Variants in EFEMP1 observed in about 807,000 individuals in gnomAD.
The protein encoded by EFEMP1 is EGF-containing fibulin-like extracellular matrix protein 1.
A neutral mutation model predicts 65.7 loss-of-function variants in EFEMP1; 18 were observed. The ratio of observed to expected loss-of-function variants is 0.27; its 90% CI spans 0.19 to 0.41. EFEMP1 has a LOEUF of 0.41. Among genes scored for constraint, EFEMP1 ranks in the 10% least tolerant of loss-of-function variants. The pLI, the probability that EFEMP1 is intolerant of heterozygous loss-of-function variation, is 1.00. For missense variants in EFEMP1, 469 were observed against 624.8 expected (o/e 0.75, Z 2.66); for synonymous variants, 237 against 219.7 (o/e 1.08, Z -0.70).
intron 5 of EFEMP1, among the ~76,000 whole-genome samples, chr2:55,894,878 C>G (rs1486924093): frequency 6.6e-6 from 1 of 152,204 alleles, no homozygotes; most frequent in Non-Finnish European, 1.5e-5. Context: ...AATCACGTGG[C>G]TAGGCTGACT....
rs1271759918 is a variant in EFEMP1 at position 55,883,796 on chromosome 2, T to C, written c.518-2062A>G. Among the ~76,000 whole-genome samples, 3 of 152,198 alleles carry C rather than the reference T, an allele frequency of 2.0e-5. No individual in the cohort carries two copies. On this transcript the variant is annotated intron_variant, in intron 5 of 11. Coordinates refer to ENST00000355426, the MANE Select transcript of EFEMP1 (RefSeq NM_001039348.3). The surrounding 1 kb of genome is among the most constrained non-coding windows in gnomAD (Gnocchi z 4.5). ...AATTAATGTATCATTAAGTAGATTT[T>C]AAACACAAAAACCTGTGCTACTCCT...
chr2:55,875,093 C>T (rs1238719644), intron 8 of EFEMP1, 28 bp from the exon 9 acceptor site: 1 of 1,560,414 alleles, frequency 6.4e-7, no homozygotes, highest in Non-Finnish European at 8.7e-7. Flanking sequence ...AGAAAGGACA[C>T]AGAGTTGAAA....
Position 55,922,463 on chromosome 2 carries a change from G to A in EFEMP1, c.-7-16C>T, listed in dbSNP as rs1357105309. On this transcript the variant is annotated splice_polypyrimidine_tract_variant and intron_variant, in intron 2 of 11. Coordinates refer to ENST00000355426, the MANE Select transcript of EFEMP1 (RefSeq NM_001039348.3). This position sits in a 1 kb window ranked among gnomAD's most constrained non-coding sequence, Gnocchi z 5.5. ...CATTGTGAATCTCAAAGAAAATACA[G>A]GACAAACTAATGTTTAGTATCTGCT... is the stretch of plus-strand genomic sequence containing the variant. 6.2e-7 allele frequency: 1 copy of A among 1,608,526 alleles called. No homozygotes were observed. The highest frequency in any genetic ancestry group is 1.3e-5 in the African/African-American group (1 of 74,776).
intron 5 of EFEMP1, among the ~76,000 whole-genome samples, chr2:55,889,673 A>G (rs1013852665): frequency 6.6e-6 from 1 of 152,194 alleles, no homozygotes; most frequent in African/African-American, 2.4e-5. Flanking sequence ...GAATAATAGC[A>G]TATATAGTTT....
At position 55,870,597 on chromosome 2, in the gene EFEMP1, C is replaced by T. The variant is rs1668765484; in HGVS notation, c.1320+123G>A. The T allele has an allele frequency of 2.5e-6, 3 of 1,208,598 alleles. No homozygotes were observed. Among genetic ancestry groups the T allele is most frequent in the Non-Finnish European group, 3.6e-6 (3 of 832,516 alleles). 74.9% of individuals were successfully genotyped at this position (1,208,598 alleles called of 1,614,324 possible). On this transcript the variant is annotated intron_variant, in intron 11 of 11. Transcript: ENST00000355426. The surrounding 1 kb of genome is among the most constrained non-coding windows in gnomAD (Gnocchi z 5.8). ...TGGAAGGCCTTACACAATGCCTACA[C>T]ATAAGACACTTTAAATGTTTGCTTT... is the stretch of plus-strand genomic sequence containing the variant.
chr2:55,908,598 CA>C (rs1271567967), intron 5 of EFEMP1, among the ~76,000 whole-genome samples: 1 of 151,538 alleles, frequency 6.6e-6, no homozygotes, highest in East Asian at 1.9e-4. Context: ...ATTCACACTG[CA>C]AAAAAACAAG....
chr2:55,877,233 C>T lies in EFEMP1; in HGVS notation c.761-491G>A, dbSNP rs893589913. Among the ~76,000 whole-genome samples the T allele has an allele frequency of 3.9e-5, 6 of 152,054 alleles. No homozygotes were observed. Among genetic ancestry groups the T allele is most frequent in the African/African-American group, 4.8e-5 (2 of 41,398 alleles). ...AATTCCATTACAATTATAACATAAG[C>T]CTTTGAGACCCATACGGAGTTTTGC... On this transcript the variant is annotated intron_variant, in intron 7 of 11. Transcript: ENST00000355426. This position sits in a 1 kb window ranked among gnomAD's most constrained non-coding sequence, Gnocchi z 4.5.
chr2:55,897,908 TC>T (rs1489217936), intron 5 of EFEMP1, among the ~76,000 whole-genome samples: 2 of 152,204 alleles, frequency 1.3e-5, no homozygotes, highest in Middle Eastern at 3.2e-3. Flanking sequence ...GATAATTGCC[TC>T]CTGCTATAAT....
rs1668642343 is a variant in EFEMP1, at chr2:55,867,863, T to G, written c.1321-629A>C. ...CAGAAGAACTGGGTGCAGTTTCATT[T>G]TGATGAATAATATGATGGGCTCTTG... On this transcript the variant is annotated intron_variant, in intron 11 of 11. Transcript: ENST00000355426. The surrounding 1 kb of genome is among the most constrained non-coding windows in gnomAD (Gnocchi z 4.3). Among the ~76,000 whole-genome samples the G allele has an allele frequency of 6.6e-6, 1 of 152,056 alleles. No individual in the cohort carries two copies. Among genetic ancestry groups the G allele is most frequent in the South Asian group, 2.1e-4 (1 of 4,810 alleles).
intron 5 of EFEMP1, among the ~76,000 whole-genome samples, chr2:55,888,657 A>AAGAAAACC (rs202153703): frequency 0.011 from 1,668 of 152,246 alleles, 19 homozygotes; most frequent in Non-Finnish European, 0.016. Context: ...TGTTTGGGAA[A>AAGAAAACC]AGAAAACCCT....
chr2:55,915,770 A>G (rs868741312), intron 5 of EFEMP1, among the ~76,000 whole-genome samples: 8 of 152,340 alleles, frequency 5.3e-5, no homozygotes, highest in Middle Eastern at 3.4e-3. Flanking sequence ...GTCTAGTTAT[A>G]TAACTAAATA....
chr2:55,910,363 A>G (rs1670436835), intron 5 of EFEMP1, among the ~76,000 whole-genome samples: 1 of 152,224 alleles, frequency 6.6e-6, no homozygotes, highest in South Asian at 2.1e-4. Flanking sequence ...ACCTCCTGGA[A>G]AAAGCAACAT....
chr2:55,871,841 A>G lies in EFEMP1; in HGVS notation c.1001-718T>C, dbSNP rs1003226890. Among the ~76,000 whole-genome samples the G allele has an allele frequency of 1.2e-4, 18 of 152,112 alleles. No homozygotes were observed. Among genetic ancestry groups the G allele is most frequent in the African/African-American group, 4.3e-4 (18 of 41,438 alleles). ...TATGAAGTGTTCCACCTCATAGAGC[A>G]TAGCAATTTTAGGACTGTAAGGAAA... On this transcript the variant is annotated intron_variant, in intron 9 of 11. Transcript: ENST00000355426. This position sits in a 1 kb window ranked among gnomAD's most constrained non-coding sequence, Gnocchi z 4.2.
intron 5 of EFEMP1, among the ~76,000 whole-genome samples, chr2:55,910,477 AT>A (rs1670441310): frequency 6.6e-6 from 1 of 152,242 alleles, no homozygotes; most frequent in African/African-American, 2.4e-5. Flanking sequence ...AAAGAATAAA[AT>A]TGTGCCAGCA....
intron 8 of EFEMP1, 76 bp from the exon 9 acceptor site, chr2:55,875,141 T>TAAATTATATATATATATAA (rs1668977641): frequency 2.0e-6 from 1 of 511,032 alleles, no homozygotes. Context: ...TATATATATA[T>TAAATTATATATATATATAA]AAATTATATA....
rs1027372463 is a variant in EFEMP1 at position 55,867,654 on chromosome 2, C to A, written c.1321-420G>T. ...TCTAGTAAGTAAAGAGAAATGGAAACAGTTTTTCAACAGAATATGGTAAAT... is the reference window on the plus strand; with the variant it reads ...TCTAGTAAGTAAAGAGAAATGGAAAAAGTTTTTCAACAGAATATGGTAAAT... On this transcript the variant is annotated intron_variant, in intron 11 of 11. Coordinates refer to ENST00000355426, the MANE Select transcript of EFEMP1 (RefSeq NM_001039348.3). The surrounding 1 kb of genome is among the most constrained non-coding windows in gnomAD (Gnocchi z 4.3). Among the ~76,000 whole-genome samples, 4 of 151,972 alleles carry A rather than the reference C, an allele frequency of 2.6e-5. No homozygotes were observed. Among genetic ancestry groups the A allele is most frequent in the South Asian group, 4.2e-4 (2 of 4,816 alleles).
intron 8 of EFEMP1, among the ~76,000 whole-genome samples, chr2:55,875,362 A>C (rs1240385931): frequency 2.1e-5 from 3 of 142,340 alleles, no homozygotes; most frequent in Admixed American, 6.9e-5. Context: ...ACACACACAC[A>C]CACATATATA....
At chr2:55,900,389 C>T (rs1399032034) in intron 5 of EFEMP1, among the ~76,000 whole-genome samples, 1 of 151,900 alleles carries the variant, frequency 6.6e-6, no homozygotes, top group East Asian at 1.9e-4. Flanking sequence ...TGGCCTCTAC[C>T]TGGCTGTGAG....
Position 55,877,464 on chromosome 2 carries a change from C to CAT in EFEMP1, c.760+281_760+282insAT, listed in dbSNP as rs1669080658. Reference sequence around the variant, plus strand: ...CTTTGGCACTTTCAGCATTATATCACACACTGCTGATTGACTGGTGTATGT... The same window carrying CAT: ...CTTTGGCACTTTCAGCATTATATCACATACACTGCTGATTGACTGGTGTATGT... On this transcript the variant is annotated intron_variant, in intron 7 of 11. Transcript: ENST00000355426. The surrounding 1 kb of genome is among the most constrained non-coding windows in gnomAD (Gnocchi z 4.5). 6.6e-6 allele frequency among the ~76,000 whole-genome samples: 1 copy of CAT among 152,160 alleles called. No individual in the cohort carries two copies. Among genetic ancestry groups the CAT allele is most frequent in the Admixed American group, 6.6e-5 (1 of 15,266 alleles).
Sources: allele counts gnomAD v4.1 joint callset (sites outside exome capture counted in the v4.1 genomes callset), GRCh38; gene constraint gnomAD v4.1.1; non-coding constraint Gnocchi (gnomAD v3.1); transcripts MANE v1.5; gene names NCBI Gene and HGNC (gene_info 2026-07-23, HGNC 2026-07-21).